Variants in FMN2 observed in about 807,000 individuals in gnomAD.
FMN2 encodes the protein formin 2.
A neutral mutation model predicts 142.3 loss-of-function variants in FMN2; 51 were observed. The observed-to-expected ratio is 0.36, with a 90% CI of 0.29 to 0.45. The LOEUF (loss-of-function observed/expected upper bound fraction) is 0.45, where lower values mean the gene tolerates loss of function less well. Ranked by LOEUF, FMN2 falls within the 20% of genes least tolerant of loss-of-function variation. The probability of loss-of-function intolerance (pLI) is 1.00; values close to 1 mark genes in which losing one functional copy is unlikely to be tolerated. For missense variants in FMN2, 1,936 were observed against 2,122.8 expected (o/e 0.91, Z 1.73); for synonymous variants, 882 against 869.8 (o/e 1.01, Z -0.25).
At chr1:240,274,150 C>T (rs946572221) in intron 7 of FMN2, among the ~76,000 whole-genome samples, 2 of 144,050 alleles carry the variant, frequency 1.4e-5, no homozygotes, top group Middle Eastern at 7.6e-3. Context: ...GAAATAAAGA[C>T]AGAGAGACAA....
intron 11 of FMN2, among the ~76,000 whole-genome samples, chr1:240,333,522 T>C (rs1671454227): frequency 6.6e-6 from 1 of 152,202 alleles, no homozygotes; most frequent in Non-Finnish European, 1.5e-5. Flanking sequence ...CTAAATTATT[T>C]CTTTTAATAT....
rs1033135756 is a variant in FMN2 at position 240,366,841 on chromosome 1, G to A, written c.4858+10933G>A. Reference sequence around the variant, plus strand: ...GCTGGGATTACAGGCGTGAGCCACCGCGCCCGGCCCTCTATCCCTGTTTTA... The same window carrying A: ...GCTGGGATTACAGGCGTGAGCCACCACGCCCGGCCCTCTATCCCTGTTTTA... On this transcript the variant is annotated intron_variant, in intron 14 of 17. Transcript: ENST00000319653. Among the ~76,000 whole-genome samples, 11 of 152,084 alleles carry A rather than the reference G, an allele frequency of 7.2e-5. No individual in the cohort carries two copies. The South Asian group carries it at 1.7e-3, about 23-fold the overall frequency.
rs78869061 is a variant in FMN2 at position 240,137,747 on chromosome 1, C to T, written c.1782+14402C>T. ...CAGGTTTTGAGTGGTCGAGGATGCC[C>T]GGAGCCTGGAGCCCAGTGTACAGGA... On this transcript the variant is annotated intron_variant, in intron 2 of 17. Transcript: ENST00000319653. Among the ~76,000 whole-genome samples the T allele has an allele frequency of 2.6e-3, 394 of 152,032 alleles. 2 individuals carry two copies. The highest frequency in any genetic ancestry group is 9.2e-3 in the African/African-American group (380 of 41,498).
chr1:240,103,109 G>A (rs1044372674), intron 1 of FMN2, among the ~76,000 whole-genome samples: 35 of 151,580 alleles, frequency 2.3e-4, no homozygotes, highest in African/African-American at 7.8e-4. Context: ...CAGGTGACCC[G>A]CCTGTCTCGG....
At chr1:240,157,336 G>A (rs1664066417) in intron 2 of FMN2, among the ~76,000 whole-genome samples, 2 of 152,182 alleles carry the variant, frequency 1.3e-5, no homozygotes, top group African/African-American at 4.8e-5. Context: ...GGGAGTATGT[G>A]AGTTCATTAA....
intron 8 of FMN2, among the ~76,000 whole-genome samples, chr1:240,303,888 T>G (rs191427761): frequency 2.2e-4 from 34 of 152,300 alleles, no homozygotes; most frequent in African/African-American, 6.5e-4. Context: ...TGATACTTTC[T>G]GATCCATCTT....
chr1:240,444,954 A>G (rs191411747), intron 16 of FMN2, among the ~76,000 whole-genome samples: 1 of 152,366 alleles, frequency 6.6e-6, no homozygotes, highest in East Asian at 1.9e-4. Flanking sequence ...ACTGCAAGGT[A>G]GCATTCTTGC....
At chr1:240,469,579 A>G (rs969604795) in intron 16 of FMN2, among the ~76,000 whole-genome samples, 2 of 152,238 alleles carry the variant, frequency 1.3e-5, no homozygotes, top group Admixed American at 1.3e-4. Context: ...ACTCTTACTC[A>G]ACCTTTATAT....
intron 5 of FMN2, 139 bp downstream of exon 5, chr1:240,208,871 T>G: frequency 1.8e-6 from 2 of 1,112,212 alleles, no homozygotes; most frequent in South Asian, 3.4e-5. Context: ...CATCAATATA[T>G]AGTGCAGCAG....
Position 240,208,570 on chromosome 1 carries a change from C to G in FMN2, c.3758C>G (p.Thr1253Ser). The G allele has an allele frequency of 5.0e-6, 8 of 1,613,702 alleles. No individual in the cohort carries two copies. The highest frequency in any genetic ancestry group is 6.8e-6 in the Non-Finnish European group (8 of 1,179,992). ...PPLLPQVGSS[T>S]LPTPQVCGFL... ...CTCCTCCCACAAGTTGGGAGTAGCA[C>G]TTTACCAACCCCACAGGTGTGTGGA... Residue 1253 changes from threonine (T) to serine (S), a missense_variant, in exon 5 of 18, where the codon ACT becomes AGT. Coordinates refer to ENST00000319653, the MANE Select transcript of FMN2 (RefSeq NM_020066.5).
chr1:240,192,579 TA>T (rs1665741521), intron 4 of FMN2, among the ~76,000 whole-genome samples: 1 of 152,074 alleles, frequency 6.6e-6, no homozygotes, highest in Non-Finnish European at 1.5e-5. Context: ...ATACAAGTCT[TA>T]AAGGAGATAG....
intron 7 of FMN2, among the ~76,000 whole-genome samples, chr1:240,258,274 G>A (rs1232097126): frequency 6.6e-6 from 1 of 152,104 alleles, no homozygotes; most frequent in Non-Finnish European, 1.5e-5. Context: ...TATTATCTTA[G>A]TTCAGGCTAC....
chr1:240,343,040 C>G (rs937173100), intron 13 of FMN2, among the ~76,000 whole-genome samples: 28 of 152,184 alleles, frequency 1.8e-4, no homozygotes, highest in African/African-American at 6.7e-4. Context: ...ACCATTTGGA[C>G]TTTGATTATT....
intron 8 of FMN2, among the ~76,000 whole-genome samples, chr1:240,321,578 T>C (rs1297630030): frequency 1.3e-5 from 2 of 152,220 alleles, no homozygotes; most frequent in African/African-American, 2.4e-5. Flanking sequence ...TAAATTGATA[T>C]GGTTTTCACT....
chr1:240,100,367 G>T (rs1326955356), intron 1 of FMN2, among the ~76,000 whole-genome samples: 1 of 152,156 alleles, frequency 6.6e-6, no homozygotes, highest in African/African-American at 2.4e-5. Context: ...GCTAATAAAA[G>T]TTAGCATTAA....
intron 8 of FMN2, among the ~76,000 whole-genome samples, chr1:240,300,838 C>T (rs1553358691): frequency 1.3e-5 from 2 of 149,078 alleles, no homozygotes. Flanking sequence ...TTTGTCTTGA[C>T]GTTTTTTTAA....
chr1:240,283,626 T>G (rs1259646984), intron 7 of FMN2, among the ~76,000 whole-genome samples: 1 of 152,196 alleles, frequency 6.6e-6, no homozygotes, highest in East Asian at 1.9e-4. Context: ...ACAAGATCCC[T>G]GCTATTAGGC....
chr1:240,309,831 G>T (rs1177673426), intron 8 of FMN2, among the ~76,000 whole-genome samples: 1 of 152,160 alleles, frequency 6.6e-6, no homozygotes, highest in African/African-American at 2.4e-5. Flanking sequence ...AACTGGCACA[G>T]ATGGTAGGGA....
At chr1:240,324,973 T>C (rs1008662526) in intron 8 of FMN2, among the ~76,000 whole-genome samples, 2 of 152,158 alleles carry the variant, frequency 1.3e-5, no homozygotes, top group Non-Finnish European at 2.9e-5. Flanking sequence ...TTTAAGATGA[T>C]TAATGTTTCA....
Sources: gnomAD v4.1 joint callset for allele counts (sites outside exome capture counted in the v4.1 genomes callset) on GRCh38, gnomAD v4.1.1 for gene constraint, MANE v1.5 for transcripts, NCBI Gene and HGNC (gene_info 2026-07-23, HGNC 2026-07-21) for gene names.